Variants in STPG2 observed in about 807,000 individuals in gnomAD.
STPG2 encodes sperm-tail PG-rich repeat-containing protein 2.
A neutral mutation model predicts 54.2 loss-of-function variants in STPG2; 56 were observed. The observed-to-expected ratio is 1.03, with a 90% CI of 0.83 to 1.29. STPG2 has a LOEUF of 1.29. Ranked by LOEUF, STPG2 falls within the 50% of genes most tolerant of loss-of-function variation. The pLI, the probability that STPG2 is intolerant of heterozygous loss-of-function variation, is 0.00. For synonymous variants in STPG2, 200 were observed against 181.8 expected, an observed-to-expected ratio of 1.10 and a Z score of -0.81; for missense variants, 596 against 544.9, an observed-to-expected ratio of 1.09 and a Z score of -0.93.
At chr4:97,966,294 A>G (rs1379843728) in intron 7 of STPG2, among the ~76,000 whole-genome samples, 1 of 152,058 alleles carries the variant, frequency 6.6e-6, no homozygotes, top group Admixed American at 6.6e-5. Context: ...GAACAAATTA[A>G]TGAAATAAAG....
chr4:97,700,641 A>G lies in STPG2; in HGVS notation c.1320+12058T>C, dbSNP rs887861829. Among the ~76,000 whole-genome samples the G allele has an allele frequency of 1.6e-4, 25 of 152,210 alleles. 1 individual carries two copies. The highest frequency in any genetic ancestry group is 2.4e-5 in the African/African-American group (1 of 41,442). ...TTGCTCACTGGATCTAATCAAAATAATGTCATCAGTGTAATAGACCAGTGT... is the reference window on the plus strand; with the variant it reads ...TTGCTCACTGGATCTAATCAAAATAGTGTCATCAGTGTAATAGACCAGTGT... On this transcript the variant is annotated intron_variant, in intron 10 of 10. Transcript: ENST00000295268.
At chr4:97,959,211 C>T (rs1733795684) in intron 7 of STPG2, among the ~76,000 whole-genome samples, 1 of 152,060 alleles carries the variant, frequency 6.6e-6, no homozygotes, top group South Asian at 2.1e-4. Flanking sequence ...CTTTGGGATA[C>T]AGCAAAGGTA....
At chr4:97,505,832 G>A (rs371079687) in intron 4 of STPG2, among the ~76,000 whole-genome samples, 3 of 151,414 alleles carry the variant, frequency 2.0e-5, no homozygotes, top group Non-Finnish European at 4.4e-5. Flanking sequence ...TTTATTAGTG[G>A]ATGTATTAGT....
At chr4:97,974,239 C>G (rs1224317057) in intron 6 of STPG2, among the ~76,000 whole-genome samples, 1 of 152,196 alleles carries the variant, frequency 6.6e-6, no homozygotes, top group Admixed American at 6.5e-5. Context: ...CAGTCAATTT[C>G]TCCCACTTGG....
At chr4:97,781,088 G>A (rs564627488) in intron 9 of STPG2, among the ~76,000 whole-genome samples, 17 of 151,930 alleles carry the variant, frequency 1.1e-4, no homozygotes, top group Non-Finnish European at 2.5e-4. Flanking sequence ...GATCAGAGAA[G>A]AACTGAAGGA....
At chr4:98,044,197 GAATT>G (rs1446500682) in intron 5 of STPG2, among the ~76,000 whole-genome samples, 1 of 151,936 alleles carries the variant, frequency 6.6e-6, no homozygotes, top group Admixed American at 6.6e-5. Flanking sequence ...TTTTATAGTA[GAATT>G]AAAAGTGATT....
At chr4:97,812,084 C>T (rs1221786989) in intron 9 of STPG2, among the ~76,000 whole-genome samples, 1 of 151,894 alleles carries the variant, frequency 6.6e-6, no homozygotes, top group African/African-American at 2.4e-5. Flanking sequence ...ACAATACCAA[C>T]AAATGTCACA....
chr4:97,955,527 A>T (rs1374754240), intron 7 of STPG2, among the ~76,000 whole-genome samples: 1 of 152,152 alleles, frequency 6.6e-6, no homozygotes, highest in Non-Finnish European at 1.5e-5. Context: ...ATACAGAAGA[A>T]TTCTAAGAGT....
intron 8 of STPG2, among the ~76,000 whole-genome samples, chr4:97,906,312 C>T (rs1415780401): frequency 1.3e-5 from 2 of 152,100 alleles, no homozygotes; most frequent in Non-Finnish European, 2.9e-5. Flanking sequence ...CAAGACTAAA[C>T]CAGGAAGAAG....
At chr4:97,452,013 C>T (rs1448725731) in intron 4 of STPG2, among the ~76,000 whole-genome samples, 1 of 151,736 alleles carries the variant, frequency 6.6e-6, no homozygotes, top group East Asian at 2.0e-4. Flanking sequence ...GGAGTTCTAC[C>T]CCTGCTAAGT....
chr4:97,809,297 T>G (rs938367400), intron 9 of STPG2, among the ~76,000 whole-genome samples: 2 of 152,100 alleles, frequency 1.3e-5, no homozygotes, highest in African/African-American at 4.8e-5. Context: ...AGCAGCACGT[T>G]TTAACTAAAA....
At chr4:97,725,341 G>T (rs1724586989) in intron 9 of STPG2, among the ~76,000 whole-genome samples, 1 of 150,954 alleles carries the variant, frequency 6.6e-6, no homozygotes, top group East Asian at 1.9e-4. Context: ...TAAATATTTA[G>T]TCTTTGTTTC....
intron 4 of STPG2, among the ~76,000 whole-genome samples, chr4:97,478,001 A>C (rs115562886): frequency 6.6e-6 from 1 of 152,182 alleles, no homozygotes; most frequent in Non-Finnish European, 1.5e-5. Flanking sequence ...AAGTCTAATT[A>C]AAGAGATTAA....
At position 97,868,222 on chromosome 4, in the gene STPG2, G is replaced by A. The variant is rs148268910; in HGVS notation, c.1045-27290C>T. On this transcript the variant is annotated intron_variant, in intron 8 of 10. Transcript: ENST00000295268. Reference sequence around the variant, plus strand: ...AAAAATATTTGCATAGTTTTTATCTGATTCTTCTATCTATCTCTGCTATTT... The same window carrying A: ...AAAAATATTTGCATAGTTTTTATCTAATTCTTCTATCTATCTCTGCTATTT... Among the ~76,000 whole-genome samples, 655 of 151,784 alleles carry A rather than the reference G, an allele frequency of 4.3e-3. 3 individuals carry two copies. Among genetic ancestry groups the A allele is most frequent in the South Asian group, 0.024 (117 of 4,816 alleles).
chr4:97,585,896 A>T (rs1403992723), intron 10 of STPG2, among the ~76,000 whole-genome samples: 2 of 151,970 alleles, frequency 1.3e-5, no homozygotes. Flanking sequence ...ATTTAAATAA[A>T]ACCCAGACAA....
chr4:97,855,659 C>T (rs533814734), intron 8 of STPG2, among the ~76,000 whole-genome samples: 9 of 152,224 alleles, frequency 5.9e-5, no homozygotes, highest in African/African-American at 2.2e-4. Flanking sequence ...TGCAGAAGCT[C>T]TTTAGTTCAA....
intron 5 of STPG2, among the ~76,000 whole-genome samples, chr4:97,983,057 C>T (rs562720726): frequency 1.6e-4 from 25 of 152,276 alleles, no homozygotes; most frequent in South Asian, 4.1e-4. Flanking sequence ...TTGAACAACA[C>T]GGGTTTGAAC....
At chr4:97,840,559 T>A (rs1351029264) in intron 9 of STPG2, among the ~76,000 whole-genome samples, 1 of 151,650 alleles carries the variant, frequency 6.6e-6, no homozygotes, top group Non-Finnish European at 1.5e-5. Flanking sequence ...AAACTGCAAC[T>A]TTAAGCAAAA....
At chr4:97,907,320 G>C (rs1731471992) in intron 8 of STPG2, among the ~76,000 whole-genome samples, 2 of 152,098 alleles carry the variant, frequency 1.3e-5, no homozygotes, top group South Asian at 4.2e-4. Flanking sequence ...GGGATGTGAA[G>C]GACCTCTTCA....
Sources: gnomAD v4.1 joint callset for allele counts (sites outside exome capture counted in the v4.1 genomes callset) on GRCh38, gnomAD v4.1.1 for gene constraint, MANE v1.5 for transcripts, NCBI Gene and HGNC (gene_info 2026-07-23, HGNC 2026-07-21) for gene names.